Variants in FGF14 observed in about 807,000 individuals in gnomAD.
The protein encoded by FGF14 is fibroblast growth factor homologous factor 4.
In FGF14, 5 loss-of-function variants were observed where a neutral mutation model predicts 25.5. The observed-to-expected ratio is 0.20, with a 90% CI of 0.10 to 0.41. The LOEUF is 0.41. Among genes scored for constraint, FGF14 ranks in the 10% least tolerant of loss-of-function variants. FGF14 has a pLI of 1.00. For missense variants in FGF14, 222 were observed against 320.1 expected (o/e 0.69, Z 2.34); for synonymous variants, 138 against 118.3 (o/e 1.17, Z -1.08).
At chr13:102,184,300 G>A (rs888411366) in intron 1 of FGF14, among the ~76,000 whole-genome samples, 4 of 152,096 alleles carry the variant, frequency 2.6e-5, no homozygotes, top group Non-Finnish European at 2.9e-5. Context: ...AAGGGTGCAT[G>A]GAAGAAAGGT....
intron 1 of FGF14, among the ~76,000 whole-genome samples, chr13:101,903,795 T>C (rs561905313): frequency 6.6e-6 from 1 of 152,318 alleles, no homozygotes; most frequent in South Asian, 2.1e-4. Context: ...AGACAGGCAC[T>C]GAACATAGAC....
chr13:101,741,428 T>C (rs2036549224), intron 3 of FGF14, among the ~76,000 whole-genome samples: 1 of 152,144 alleles, frequency 6.6e-6, no homozygotes, highest in South Asian at 2.1e-4. Flanking sequence ...ACAGAAATGT[T>C]ATTTCCATAG....
At chr13:102,334,661 G>A (rs2138858040) in intron 1 of FGF14, among the ~76,000 whole-genome samples, 1 of 152,296 alleles carries the variant, frequency 6.6e-6, no homozygotes, top group Admixed American at 6.5e-5. Context: ...AGGCTTCTGT[G>A]ATCAGAATTC....
chr13:101,882,046 TTTAA>T (rs1280311175), intron 1 of FGF14, among the ~76,000 whole-genome samples: 4 of 152,012 alleles, frequency 2.6e-5, no homozygotes, highest in Non-Finnish European at 4.4e-5. Flanking sequence ...GATAATTCAG[TTTAA>T]TTGTTATCTA....
chr13:101,719,431 G>A lies in FGF14; in HGVS notation c.*3400C>T, dbSNP rs1239903073. On this transcript the variant is annotated 3_prime_UTR_variant, in exon 5 of 5. Transcript: ENST00000376143. Reference sequence around the variant, plus strand: ...CATTCAGGACAAGCAAACATTTAGAGCAAGAATCTCCAAATTCTTCAGGAT... The same window carrying A: ...CATTCAGGACAAGCAAACATTTAGAACAAGAATCTCCAAATTCTTCAGGAT... 7.1e-6 allele frequency: 1 copy of A among 140,254 alleles called. No individual in the cohort carries two copies. Among genetic ancestry groups the A allele is most frequent in the African/African-American group, 2.8e-5 (1 of 36,058 alleles). 8.7% of individuals were successfully genotyped at this position (140,254 alleles called of 1,614,324 possible).
At chr13:102,131,631 ATAC>A (rs781060269) in intron 1 of FGF14, among the ~76,000 whole-genome samples, 22 of 152,196 alleles carry the variant, frequency 1.4e-4, no homozygotes, top group Non-Finnish European at 2.8e-4. Flanking sequence ...CTTTGGTCAA[ATAC>A]TACAACTCAG....
In FGF14 at chr13:102,134,875, G is replaced by A. The variant is rs146328080; in HGVS notation, c.209-259579C>T. Among the ~76,000 whole-genome samples, 32 of 152,104 alleles carry A rather than the reference G, an allele frequency of 2.1e-4. 1 individual carries two copies. The highest frequency in any genetic ancestry group is 3.4e-3 in the Middle Eastern group (1 of 294). On this transcript the variant is annotated intron_variant, in intron 1 of 4. Coordinates refer to the FGF14 transcript ENST00000376131. ...AACCAAACTTTTTCAATGTAGCCTC[G>A]GGCCAAATTTCTTTGAACTAAAAAT... is the stretch of plus-strand genomic sequence containing the variant.
At chr13:102,226,804 AT>A (rs2050844869) in intron 1 of FGF14, among the ~76,000 whole-genome samples, 1 of 152,142 alleles carries the variant, frequency 6.6e-6, no homozygotes, top group African/African-American at 2.4e-5. Flanking sequence ...CTGTCAGCAC[AT>A]TTTCTCATGA....
At chr13:101,941,725 T>C (rs1048088060) in intron 1 of FGF14, among the ~76,000 whole-genome samples, 3 of 152,228 alleles carry the variant, frequency 2.0e-5, no homozygotes. Flanking sequence ...GTTTAACAAA[T>C]TGAAATGTCC....
At chr13:101,935,664 G>A (rs912824214) in intron 1 of FGF14, among the ~76,000 whole-genome samples, 36 of 152,250 alleles carry the variant, frequency 2.4e-4, no homozygotes, top group Middle Eastern at 3.4e-3. Context: ...GCGGAACCAT[G>A]AGTCAATTAA....
chr13:102,013,424 T>G (rs998895980), intron 1 of FGF14, among the ~76,000 whole-genome samples: 2 of 152,214 alleles, frequency 1.3e-5, no homozygotes, highest in South Asian at 2.1e-4. Context: ...TTCTAAGGAT[T>G]ATCTTCTTGG....
At chr13:101,812,623 ATATATATATATATATATATATATATATAT>A (rs2041587216) in intron 3 of FGF14, among the ~76,000 whole-genome samples, 1 of 7,102 alleles carries the variant, frequency 1.4e-4, no homozygotes, top group Non-Finnish European at 2.8e-4. Flanking sequence ...ATATATATAT[ATATATATATATATATATATATATATATAT>A]ATTTTTTTTT....
At chr13:101,733,507 C>T (rs202034458) in intron 3 of FGF14, among the ~76,000 whole-genome samples, 1 of 150,016 alleles carries the variant, frequency 6.7e-6, no homozygotes, top group Non-Finnish European at 1.5e-5. Flanking sequence ...AGGCAGGAGA[C>T]TCACTTGAAC....
intron 1 of FGF14, among the ~76,000 whole-genome samples, chr13:102,219,678 AT>A (rs1453473498): frequency 3.3e-5 from 5 of 152,222 alleles, no homozygotes. Flanking sequence ...CTCAGTTTAT[AT>A]ATCTCAAGCC....
chr13:102,240,085 C>G (rs1431160634), intron 1 of FGF14, among the ~76,000 whole-genome samples: 1 of 152,150 alleles, frequency 6.6e-6, no homozygotes, highest in African/African-American at 2.4e-5. Context: ...ATAGCATAGT[C>G]TATCTCAAGA....
chr13:101,744,193 T>A (rs2036736772), intron 3 of FGF14, among the ~76,000 whole-genome samples: 1 of 152,136 alleles, frequency 6.6e-6, no homozygotes, highest in Non-Finnish European at 1.5e-5. Flanking sequence ...TGTGGGTGAT[T>A]TTTTTATTGT....
intron 1 of FGF14, chr13:102,002,443 G>A: frequency 6.4e-6 from 1 of 155,624 alleles, no homozygotes. Context: ...AGGAGGAGCA[G>A]CCTACTGTGA....
chr13:101,969,985 T>C (rs1349788054), intron 1 of FGF14, among the ~76,000 whole-genome samples: 1 of 152,248 alleles, frequency 6.6e-6, no homozygotes, highest in Non-Finnish European at 1.5e-5. Flanking sequence ...TCTTCTGGCC[T>C]TATTGTCATC....
chr13:101,885,669 T>TG (rs1566376297), intron 1 of FGF14, among the ~76,000 whole-genome samples: 10 of 151,654 alleles, frequency 6.6e-5, no homozygotes, highest in African/African-American at 2.4e-4. Context: ...AAGCCTTTTT[T>TG]TGTGTGTGTA....
Sources: gnomAD v4.1 joint callset for allele counts (sites outside exome capture counted in the v4.1 genomes callset) on GRCh38, gnomAD v4.1.1 for gene constraint, MANE v1.5 for transcripts, NCBI Gene and HGNC (gene_info 2026-07-23, HGNC 2026-07-21) for gene names.